WDFY3: variants seen among roughly 807,000 people sequenced by gnomAD.
WDFY3 encodes WD repeat and FYVE domain containing 3, also known as WD repeat and FYVE domain-containing protein 3.
In WDFY3, 66 loss-of-function variants were observed where a neutral mutation model predicts 409.6. The observed-to-expected ratio is 0.16, with a 90% confidence interval of 0.13 to 0.20. The LOEUF is 0.20. Among genes scored for constraint, WDFY3 ranks in the 10% least tolerant of loss-of-function variants. The pLI is 1.00. For missense variants in WDFY3, 3,031 were observed against 4,298.1 expected (o/e 0.71, Z 8.24); for synonymous variants, 1,521 against 1,537.1 (o/e 0.99, Z 0.25).
intron 2 of WDFY3, among the ~76,000 whole-genome samples, chr4:84,903,295 T>A (rs1431746018): frequency 6.6e-6 from 1 of 152,094 alleles, no homozygotes; most frequent in African/African-American, 2.4e-5. Flanking sequence ...TAGCAGAGCA[T>A]ATATGAAGGG....
At chr4:84,829,847 A>AAATAAATAAATT (rs567618032) in intron 8 of WDFY3, among the ~76,000 whole-genome samples, 1 of 150,638 alleles carries the variant, frequency 6.6e-6, no homozygotes, top group Non-Finnish European at 1.5e-5. Flanking sequence ...ATAAATAAAT[A>AAATAAATAAATT]AATTAGAGAG....
chr4:84,704,988 A>G (rs1352798282), intron 54 of WDFY3, among the ~76,000 whole-genome samples: 1 of 152,210 alleles, frequency 6.6e-6, no homozygotes, highest in Non-Finnish European at 1.5e-5. Context: ...CAAGTAAACT[A>G]TAAGGTTTTA....
At position 84,796,541 on chromosome 4, in the gene WDFY3, G is replaced by A; in HGVS notation, c.3147C>T (p.Asp1049=). ...SSVTPAFVEF[D]TSLEGFGCLF... Reference sequence around the variant, plus strand: ...CTTACCCAAACCCTTCAAGTGATGTGTCAAATTCAACAAAAGCTGGAGTAA... The same window carrying A: ...CTTACCCAAACCCTTCAAGTGATGTATCAAATTCAACAAAAGCTGGAGTAA... Residue 1049 remains aspartate (D), a synonymous_variant, in exon 19 of 68, where the codon GAC becomes GAT. Transcript: ENST00000295888. 6.3e-7 allele frequency: 1 copy of A among 1,599,972 alleles called. No individual in the cohort carries two copies. Among genetic ancestry groups the A allele is most frequent in the Non-Finnish European group, 8.5e-7 (1 of 1,172,080 alleles).
intron 44 of WDFY3, among the ~76,000 whole-genome samples, chr4:84,730,386 G>C (rs1233423472): frequency 1.3e-5 from 2 of 152,182 alleles, no homozygotes; most frequent in Non-Finnish European, 2.9e-5. Flanking sequence ...TAGGCACTTT[G>C]TTAGCACTAG....
intron 9 of WDFY3, among the ~76,000 whole-genome samples, chr4:84,827,964 G>C (rs1346757899): frequency 6.6e-6 from 1 of 151,824 alleles, no homozygotes; most frequent in Non-Finnish European, 1.5e-5. Context: ...ATAAAATATA[G>C]CTGGGTGTAG....
rs774743276 is a variant in WDFY3, at chr4:84,784,885, TATATATACAC to T, written c.4062+1084_4062+1093del. Reference sequence around the variant, plus strand: ...ATATATATATATATATATATATATATATATATACACACACACACACACACACACACACACA... The same window carrying T: ...ATATATATATATATATATATATATATACACACACACACACACACACACACA... On this transcript the variant is annotated intron_variant, in intron 24 of 67. Coordinates refer to ENST00000295888, the MANE Select transcript of WDFY3 (RefSeq NM_014991.6). 6.0e-3 allele frequency among the ~76,000 whole-genome samples: 578 copies of T among 96,052 alleles called. 2 individuals are homozygous for T. Among genetic ancestry groups the T allele is most frequent in the Middle Eastern group, 0.018 (3 of 168 alleles). 63.0% of individuals were successfully genotyped at this position (96,052 alleles called of 152,430 possible). A position where few individuals can be genotyped will look rare whatever the true frequency, so the allele number is the denominator to read the frequency against.
chr4:84,743,573 T>C (rs1406888849), intron 37 of WDFY3, 127 bp downstream of exon 37: 4 of 505,218 alleles, frequency 7.9e-6, no homozygotes, highest in African/African-American at 4.0e-5. Flanking sequence ...CTCACAAATA[T>C]AATGTTGAGT....
intron 3 of WDFY3, among the ~76,000 whole-genome samples, chr4:84,880,670 C>CACACAT (rs1763368305): frequency 1.8e-5 from 1 of 55,204 alleles, no homozygotes; most frequent in South Asian, 6.6e-4. Flanking sequence ...ATAAGGGAAC[C>CACACAT]ATACATATAT....
intron 53 of WDFY3, among the ~76,000 whole-genome samples, chr4:84,707,928 T>C (rs1300045887): frequency 6.6e-6 from 1 of 152,244 alleles, no homozygotes; most frequent in Non-Finnish European, 1.5e-5. Flanking sequence ...GATAGTTTTA[T>C]CTTTCCCCTT....
chr4:84,802,032 C>T (rs1432207413), intron 16 of WDFY3, among the ~76,000 whole-genome samples, 168 bp from the exon 17 acceptor site: 1 of 151,740 alleles, frequency 6.6e-6, no homozygotes, highest in African/African-American at 2.4e-5. Context: ...ATTGCAACCT[C>T]TGCCTTGCAG....
chr4:84,729,775 C>A (rs993915041), intron 44 of WDFY3, among the ~76,000 whole-genome samples: 8 of 151,752 alleles, frequency 5.3e-5, no homozygotes, highest in Non-Finnish European at 1.0e-4. Flanking sequence ...TATTCTTCAG[C>A]TTAAGGGACA....
chr4:84,963,679 T>C (rs1197995571), intron 1 of WDFY3, among the ~76,000 whole-genome samples: 2 of 152,230 alleles, frequency 1.3e-5, no homozygotes, highest in South Asian at 4.1e-4. Context: ...CAATTCTAAC[T>C]AAAACATCAA....
intron 32 of WDFY3, among the ~76,000 whole-genome samples, chr4:84,760,196 T>C (rs1300549193): frequency 6.6e-6 from 1 of 152,060 alleles, no homozygotes; most frequent in Non-Finnish European, 1.5e-5. Context: ...TGCTGCTGGA[T>C]TCGGTTTGCC....
chr4:84,733,503 T>C lies in WDFY3; in HGVS notation c.7100A>G (p.Asp2367Gly). ...LWGPPIGSHL[D>G]KWMLEMTEGP... is the part of the protein sequence containing the mutation. The stretch of plus-strand genomic sequence containing the variant: ...TTCTGTCATCTCCAGCATCCACTTG[T>C]CGAGGTGGGAGCCGATGGGAGGGCC... The change falls in exon 44 of 68, where the codon GAC becomes GGC. Residue 2367 changes from aspartate to glycine, a missense_variant. Around this residue, in one of 16 missense-constraint regions of WDFY3, gnomAD observed 98 missense variants for 194.9 expected, o/e 0.50. Coordinates refer to ENST00000295888, the MANE Select transcript of WDFY3 (RefSeq NM_014991.6). 6.2e-7 allele frequency: 1 copy of C among 1,614,142 alleles called. No individual in the cohort carries two copies. The highest frequency in any genetic ancestry group is 8.5e-7 in the Non-Finnish European group (1 of 1,180,024).
At chr4:84,715,549 T>G (rs1222963569) in intron 49 of WDFY3, among the ~76,000 whole-genome samples, 166 bp from the exon 50 acceptor site, 1 of 151,456 alleles carries the variant, frequency 6.6e-6, no homozygotes, top group East Asian at 1.9e-4. Flanking sequence ...CCAAGGCGGG[T>G]GGATCACAAG....
At chr4:84,789,979 C>T in intron 21 of WDFY3, 72 bp from the exon 22 acceptor site, 5 of 1,480,962 alleles carry the variant, frequency 3.4e-6, no homozygotes, top group Non-Finnish European at 4.6e-6. Context: ...ATATCTAGAT[C>T]AGCATGTTTT....
chr4:84,824,564 A>G (rs940143040), intron 10 of WDFY3, among the ~76,000 whole-genome samples: 3 of 152,192 alleles, frequency 2.0e-5, no homozygotes, highest in African/African-American at 7.2e-5. Context: ...AAACTAAAAC[A>G]GACTAGTGGT....
chr4:84,826,434 T>C (rs1012212615), intron 10 of WDFY3, among the ~76,000 whole-genome samples: 24 of 152,190 alleles, frequency 1.6e-4, no homozygotes, highest in Non-Finnish European at 2.9e-4. Flanking sequence ...CCACAGATAC[T>C]GAGGGATGAT....
chr4:84,829,093 G>A lies in WDFY3; in HGVS notation c.867C>T (p.Phe289=). Residue 289 remains phenylalanine (F), a synonymous_variant, in exon 9 of 68, where the codon TTC becomes TTT. Coordinates refer to ENST00000295888, the MANE Select transcript of WDFY3 (RefSeq NM_014991.6). The part of the protein sequence containing the change: ...IVEMFAGLSC[F]LKDSSDVSQT... ...GGGAAACATCGCTGGAATCTTTGAG[G>A]AAACAAGAAAGCCCAGCAAACATTT... 1.2e-6 allele frequency: 2 copies of A among 1,613,820 alleles called. No individual in the cohort carries two copies. The highest frequency in any genetic ancestry group is 2.2e-5 in the East Asian group (1 of 44,864).
Sources: gnomAD v4.1 joint callset for allele counts (sites outside exome capture counted in the v4.1 genomes callset) on GRCh38, gnomAD v4.1.1 for gene constraint, gnomAD v4.1.1 regional missense constraint, MANE v1.5 for transcripts, NCBI Gene and HGNC (gene_info 2026-07-23, HGNC 2026-07-21) for gene names.